Variants in UTY observed in about 807,000 individuals in gnomAD.
The protein encoded by UTY is histone demethylase UTY.
A neutral mutation model predicts 32.5 loss-of-function variants in UTY; 12 were observed. That is an observed-to-expected ratio of 0.37 (90% CI 0.24 to 0.60). UTY has a LOEUF of 0.60. Among genes scored for constraint, UTY ranks in the 20% least tolerant of loss-of-function variants. The probability of loss-of-function intolerance (pLI) is 0.69; values close to 1 mark genes in which losing one functional copy is unlikely to be tolerated. For synonymous variants in UTY, 131 were observed against 103.4 expected, an observed-to-expected ratio of 1.27 and a Z score of -1.62; for missense variants, 303 against 299.2, an observed-to-expected ratio of 1.01 and a Z score of -0.09.
intron 8 of UTY, among the ~76,000 whole-genome samples, chrY:13,385,487 C>T (rs931196029): frequency 3.0e-5 from 1 of 32,950 alleles, no homozygotes; most frequent in African/African-American, 1.2e-4. Flanking sequence ...TGAAGGGCAG[C>T]GATCAAAGTT....
intron 21 of UTY, among the ~76,000 whole-genome samples, chrY:13,316,092 G>A: frequency 3.0e-5 from 1 of 33,280 alleles, no homozygotes; most frequent in Non-Finnish European, 7.4e-5. Context: ...CCTCTCTTGA[G>A]ATTTTTGGGG....
chrY:13,293,340 G>A, intron 27 of UTY, among the ~76,000 whole-genome samples: 2 of 32,370 alleles, frequency 6.2e-5, no homozygotes, highest in Non-Finnish European at 7.6e-5. Flanking sequence ...TTTTTGAGGC[G>A]GAGTCTCACT....
intron 3 of UTY, among the ~76,000 whole-genome samples, chrY:13,454,020 G>A (rs751480303): frequency 3.7e-5 from 1 of 26,862 alleles, no homozygotes; most frequent in Non-Finnish European, 8.6e-5. Context: ...TCAGGAGTTC[G>A]AGACCAGCCT....
At chrY:13,369,476 T>C in intron 8 of UTY, 127 bp from the exon 9 acceptor site, 1 of 61,667 alleles carries the variant, frequency 1.6e-5, no homozygotes, top group Non-Finnish European at 3.1e-5. Context: ...CAATACGTAA[T>C]GATGAATATT....
At chrY:13,273,535 C>G (rs956942805) in intron 27 of UTY, among the ~76,000 whole-genome samples, 2 of 33,047 alleles carry the variant, frequency 6.1e-5, no homozygotes, top group Non-Finnish European at 1.5e-4. Flanking sequence ...ATACACAGAC[C>G]AAAACAATAC....
chrY:13,308,107 T>G, intron 21 of UTY, among the ~76,000 whole-genome samples: 7 of 30,446 alleles, frequency 2.3e-4, no homozygotes, highest in Non-Finnish European at 5.5e-4. Flanking sequence ...CAAAAAACAA[T>G]TAGTCAGGCA....
At chrY:13,385,092 G>A in intron 8 of UTY, among the ~76,000 whole-genome samples, 5 of 33,504 alleles carry the variant, frequency 1.5e-4, no homozygotes, top group Non-Finnish European at 2.9e-4. Context: ...GGTGATACCC[G>A]CCTTGGCCTC....
chrY:13,428,936 T>C, intron 4 of UTY, among the ~76,000 whole-genome samples: 2 of 33,896 alleles, frequency 5.9e-5, no homozygotes, highest in African/African-American at 2.3e-4. Context: ...TTTGTAGCTA[T>C]TGCAAATGGC....
chrY:13,289,266 G>A, intron 27 of UTY, among the ~76,000 whole-genome samples: 1 of 33,713 alleles, frequency 3.0e-5, no homozygotes, highest in Non-Finnish European at 7.4e-5. Flanking sequence ...TGAGGGAAGA[G>A]AGAGACCCTC....
chrY:13,404,113 A>T, intron 6 of UTY, among the ~76,000 whole-genome samples: 1 of 32,746 alleles, frequency 3.1e-5, no homozygotes, highest in African/African-American at 1.2e-4. Flanking sequence ...AACAAACATA[A>T]TCCCTCCACG....
At chrY:13,446,550 T>TGAGA (rs1204921427) in intron 4 of UTY, among the ~76,000 whole-genome samples, 298 of 17,106 alleles carry the variant, frequency 0.017, no homozygotes, top group Non-Finnish European at 5.1e-3. Flanking sequence ...GGTAACAGTG[T>TGAGA]GAGATAGATA....
At chrY:13,440,649 A>T (rs2075091655) in intron 4 of UTY, among the ~76,000 whole-genome samples, 1 of 33,554 alleles carries the variant, frequency 3.0e-5, no homozygotes, top group African/African-American at 1.2e-4. Context: ...TACTTATTCA[A>T]TGTGTGATCT....
At chrY:13,426,185 AC>A (rs2073252189) in intron 4 of UTY, among the ~76,000 whole-genome samples, 1 of 33,328 alleles carries the variant, frequency 3.0e-5, no homozygotes, top group African/African-American at 1.2e-4. Flanking sequence ...AAATAAAAAA[AC>A]AAACCAAACA....
chrY:13,357,838 G>A (rs1443849123), intron 15 of UTY, 39 bp downstream of exon 15: 1 of 339,518 alleles, frequency 2.9e-6, no homozygotes, highest in Non-Finnish European at 4.3e-6. Flanking sequence ...TGTTTCTACT[G>A]CTTTCGAATT....
chrY:13,276,973 G>A, intron 27 of UTY, among the ~76,000 whole-genome samples: 1 of 34,116 alleles, frequency 2.9e-5, no homozygotes, highest in Admixed American at 2.6e-4. Context: ...ACAAAACTGA[G>A]TGAGTTAGCA....
intron 24 of UTY, among the ~76,000 whole-genome samples, chrY:13,304,949 T>TG (rs2058582882): frequency 1.9e-4 from 5 of 26,818 alleles, no homozygotes; most frequent in African/African-American, 7.3e-4. Flanking sequence ...AAATGACGCA[T>TG]GAAAAAAAAA....
At chrY:13,309,362 G>A (rs77205864) in intron 21 of UTY, among the ~76,000 whole-genome samples, 3,707 of 31,534 alleles carry the variant, frequency 0.12, no homozygotes, top group East Asian at 0.86. Context: ...AGGCCGAGGC[G>A]GACAGATCAC....
chrY:13,335,838 T>C lies in UTY; in HGVS notation c.2559A>G (p.Thr853=). Residue 853 remains threonine (T), a synonymous_variant, in exon 18 of 30, where the codon ACA becomes ACG. Coordinates refer to ENST00000545955, the MANE Select transcript of UTY (RefSeq NM_001258249.2). The stretch of plus-strand genomic sequence containing the variant: ...AAGAGGCAACAGAATGATCAGTCTT[T>C]GTATGAACAGCTGGGTGAATATTAT... ...KVNNIHPAVH[T]KTDHSVASSP... 7.5e-6 allele frequency: 3 copies of C among 397,491 alleles called. No homozygotes were observed. Among genetic ancestry groups the C allele is most frequent in the South Asian group, 5.9e-5 (2 of 33,626 alleles).
chrY:13,261,498 T>C (rs2055263428), intron 27 of UTY, among the ~76,000 whole-genome samples: 1 of 33,877 alleles, frequency 3.0e-5, no homozygotes, highest in Non-Finnish European at 7.4e-5. Flanking sequence ...AATTTTACAA[T>C]ATACATTAAG....
Sources: gnomAD v4.1 joint callset for allele counts (sites outside exome capture counted in the v4.1 genomes callset) on GRCh38, gnomAD v4.1.1 for gene constraint, MANE v1.5 for transcripts, NCBI Gene and HGNC (gene_info 2026-07-23, HGNC 2026-07-21) for gene names.